TP53BP1: variants seen among roughly 807,000 people sequenced by gnomAD.
TP53BP1 encodes TP53-binding protein 1.
TP53BP1 carries 61 observed loss-of-function variants against 200.8 expected under a neutral mutation model. The observed-to-expected ratio is 0.30, with a 90% CI of 0.25 to 0.38. The LOEUF (loss-of-function observed/expected upper bound fraction) is 0.38, where lower values mean the gene tolerates loss of function less well. Among genes scored for constraint, TP53BP1 ranks in the 10% least tolerant of loss-of-function variants. The pLI, the probability that TP53BP1 is intolerant of heterozygous loss-of-function variation, is 1.00. For missense variants in TP53BP1, 2,144 were observed against 2,371.9 expected, an observed-to-expected ratio of 0.90 and a Z score of 2.00; for synonymous variants, 822 against 844.3, an observed-to-expected ratio of 0.97 and a Z score of 0.46.
At chr15:43,491,898 T>G in intron 3 of TP53BP1, 104 bp downstream of exon 3, 1 of 1,114,646 alleles carries the variant, frequency 9.0e-7, no homozygotes, top group Non-Finnish European at 1.4e-6. Context: ...CACAGTAGGC[T>G]TCCTTACATA....
At chr15:43,419,091 A>T (rs2045332398) in intron 21 of TP53BP1, among the ~76,000 whole-genome samples, 1 of 152,120 alleles carries the variant, frequency 6.6e-6, no homozygotes, top group Non-Finnish European at 1.5e-5. Flanking sequence ...CTGGTGGGGC[A>T]CACCTGTAAT....
At chr15:43,415,106 A>T (rs1352706175) in intron 23 of TP53BP1, 1 of 191,156 alleles carries the variant, frequency 5.2e-6, no homozygotes, top group Non-Finnish European at 1.1e-5. Context: ...AAGAGAAATT[A>T]CACCTATTTT....
At chr15:43,509,196 G>GT (rs1251228222) in intron 1 of TP53BP1, among the ~76,000 whole-genome samples, 1 of 100,574 alleles carries the variant, frequency 9.9e-6, no homozygotes, top group African/African-American at 4.4e-5. Context: ...AACGGGGGGG[G>GT]GGGGGGCAGA....
intron 12 of TP53BP1, among the ~76,000 whole-genome samples, chr15:43,449,885 G>A (rs970217459): frequency 6.6e-6 from 1 of 152,092 alleles, no homozygotes; most frequent in African/African-American, 2.4e-5. Flanking sequence ...GTCCTCCAAA[G>A]GTTTCCCATT....
chr15:43,467,750 A>G (rs546911405), intron 11 of TP53BP1, among the ~76,000 whole-genome samples: 1 of 151,634 alleles, frequency 6.6e-6, no homozygotes, highest in Non-Finnish European at 1.5e-5. Flanking sequence ...GAATCTTCTC[A>G]GTGCTCTGTG....
chr15:43,473,760 C>G (rs1053265056), intron 10 of TP53BP1, among the ~76,000 whole-genome samples: 2 of 152,202 alleles, frequency 1.3e-5, no homozygotes, highest in Non-Finnish European at 2.9e-5. Flanking sequence ...CTGAGCTAGA[C>G]ATAAAGGTTC....
chr15:43,451,267 C>G (rs980632190), intron 12 of TP53BP1, among the ~76,000 whole-genome samples: 5 of 151,820 alleles, frequency 3.3e-5, no homozygotes, highest in Non-Finnish European at 5.9e-5. Context: ...ATGTGCCATG[C>G]TGGTGTGCTG....
rs2046684180 is a variant in TP53BP1, at chr15:43,469,954, G to C, written c.1293C>G (p.Ser431=). The C allele has an allele frequency of 6.2e-7, 1 of 1,613,872 alleles. No homozygotes were observed. Among genetic ancestry groups the C allele is most frequent in the Admixed American group, 1.7e-5 (1 of 59,996 alleles). ...GTGTTGAGGCTTGTGGTGATACAGT[G>C]GACTCAGGCAGGAGAGGGGGGTTTT... ...ELENPPLLPE[S]TVSPQASTPI... The change falls in exon 11 of 28, where the codon TCC becomes TCG. Residue 431 remains serine, a synonymous_variant. Coordinates refer to ENST00000382044, the MANE Select transcript of TP53BP1 (RefSeq NM_001141980.3).
Position 43,456,666 on chromosome 15 carries a change from C to T in TP53BP1, c.1942G>A (p.Asp648Asn), listed in dbSNP as rs951927958. The T allele has an allele frequency of 3.1e-6, 5 of 1,614,162 alleles. No individual in the cohort carries two copies. In the South Asian group the frequency reaches 5.5e-5, roughly 18 times the overall value. ...TRSEALSSVLDQEEAMEIKEH... is the reference protein window; with the variant it reads ...TRSEALSSVLNQEEAMEIKEH... ...TTAATTTCCATAGCTTCCTCCTGAT[C>T]TAACACACTAGAAAGTGCCTCAGAT... is the stretch of plus-strand genomic sequence containing the variant. Residue 648 changes from aspartate (D) to asparagine (N), a missense_variant, in exon 12 of 28, where the codon GAT becomes AAT. By Grantham distance (23) the Asp-to-Asn change is conservative (BLOSUM62 1). Around this residue, in one of 4 missense-constraint regions of TP53BP1, gnomAD observed 1,700 missense variants for 1,710.3 expected, o/e 0.99. Coordinates refer to ENST00000382044, the MANE Select transcript of TP53BP1 (RefSeq NM_001141980.3).
At chr15:43,479,630 A>G in intron 6 of TP53BP1, 104 bp from the exon 7 acceptor site, 7 of 1,315,036 alleles carry the variant, frequency 5.3e-6, no homozygotes, top group Middle Eastern at 1.9e-4. Context: ...CAGAAGTCCA[A>G]TTTAAAATAT....
intron 3 of TP53BP1, 22 bp downstream of exon 3, chr15:43,491,980 C>CA (rs1231045830): frequency 1.3e-6 from 2 of 1,577,282 alleles, no homozygotes; most frequent in African/African-American, 2.7e-5. Context: ...GCAAAGGGGA[C>CA]AGATAGCTTT....
chr15:43,478,189 C>A (rs1007005124), intron 7 of TP53BP1, among the ~76,000 whole-genome samples: 1 of 152,214 alleles, frequency 6.6e-6, no homozygotes, highest in African/African-American at 2.4e-5. Flanking sequence ...GTGCCACACA[C>A]ATCTTCTGCT....
At chr15:43,465,675 A>G (rs1394015502) in intron 11 of TP53BP1, among the ~76,000 whole-genome samples, 1 of 152,224 alleles carries the variant, frequency 6.6e-6, no homozygotes, top group Admixed American at 6.5e-5. Context: ...AAATAGACGT[A>G]TCCCAAAGGT....
rs1201593348 is a variant in TP53BP1 at position 43,405,961 on chromosome 15, A to C, written c.*1422T>G. 6.8e-6 allele frequency: 1 copy of C among 147,980 alleles called. No individual in the cohort carries two copies. Among genetic ancestry groups the C allele is most frequent in the East Asian group, 2.0e-4 (1 of 5,060 alleles). The allele number at this position is 147,980 out of a possible 1,614,324, so 9.2% of individuals were successfully genotyped here. On this transcript the variant is annotated 3_prime_UTR_variant, in exon 28 of 28. Coordinates refer to ENST00000382044, the MANE Select transcript of TP53BP1 (RefSeq NM_001141980.3). Reference sequence around the variant, plus strand: ...AGGCTGAGACAGGAGAATTGCTTGAACCTGGGAAGCAGACGCTGCAGTGAG... The same window carrying C: ...AGGCTGAGACAGGAGAATTGCTTGACCCTGGGAAGCAGACGCTGCAGTGAG...
At chr15:43,502,599 C>T (rs1206685161) in intron 1 of TP53BP1, among the ~76,000 whole-genome samples, 5 of 150,860 alleles carry the variant, frequency 3.3e-5, no homozygotes, top group East Asian at 2.0e-4. Flanking sequence ...GGACTACAGG[C>T]GCCCGCCACC....
rs1254527477 is a variant in TP53BP1 at position 43,406,355 on chromosome 15, A to C, written c.*1028T>G. ...ACTACATATTCTACACACACTGGGA[A>C]GCTCTGACAACTTATTCCCTGCTAT... On this transcript the variant is annotated 3_prime_UTR_variant, in exon 28 of 28. Coordinates refer to ENST00000382044, the MANE Select transcript of TP53BP1 (RefSeq NM_001141980.3). The C allele has an allele frequency of 6.4e-6, 2 of 312,738 alleles. No homozygotes were observed. The allele number at this position is 312,738 out of a possible 1,614,324, so 19.4% of individuals were successfully genotyped here.
chr15:43,443,020 T>G (rs1043746295), intron 14 of TP53BP1, among the ~76,000 whole-genome samples: 2 of 151,396 alleles, frequency 1.3e-5, no homozygotes, highest in African/African-American at 4.9e-5. Flanking sequence ...GAGATGGGGT[T>G]TCACCATCTT....
chr15:43,446,516 G>A lies in TP53BP1; in HGVS notation c.2911C>T (p.Pro971Ser). The A allele has an allele frequency of 1.2e-6, 2 of 1,614,116 alleles. No homozygotes were observed. The highest frequency in any genetic ancestry group is 1.7e-6 in the Non-Finnish European group (2 of 1,180,010). Reference protein sequence around the residue: ...MSESMVETHDPILGSGKGDSG... With the variant: ...MSESMVETHDSILGSGKGDSG... ...TCCCCTTTTCCACTCCCAAGTATGG[G>A]ATCATGGGTCTCCACCATGCTTTCA... Residue 971 changes from proline (P) to serine (S), a missense_variant, in exon 14 of 28, where the codon CCC (proline) becomes TCC (serine). Coordinates refer to ENST00000382044, the MANE Select transcript of TP53BP1 (RefSeq NM_001141980.3).
At chr15:43,499,059 C>T (rs1022142273) in intron 1 of TP53BP1, among the ~76,000 whole-genome samples, 1 of 151,598 alleles carries the variant, frequency 6.6e-6, no homozygotes, top group Non-Finnish European at 1.5e-5. Flanking sequence ...CTCCTAAACT[C>T]TTATGTTTCA....
Sources: allele counts gnomAD v4.1 joint callset (sites outside exome capture counted in the v4.1 genomes callset), GRCh38; gene constraint gnomAD v4.1.1; regional missense constraint gnomAD v4.1.1; transcripts MANE v1.5; gene names NCBI Gene and HGNC (gene_info 2026-07-23, HGNC 2026-07-21).